Variants in BMPR2 observed in about 807,000 individuals in gnomAD.
BMPR2 encodes bone morphogenetic protein receptor type-2.
Under a neutral mutation model 100.8 loss-of-function variants are expected in BMPR2, and 29 were observed. That is an observed-to-expected ratio of 0.29 (90% CI 0.21 to 0.39). The LOEUF is 0.39. Ranked by LOEUF, BMPR2 falls within the 10% of genes least tolerant of loss-of-function variation. The probability of loss-of-function intolerance (pLI) is 1.00; values close to 1 mark genes in which losing one functional copy is unlikely to be tolerated. For synonymous variants in BMPR2, 382 were observed against 442.3 expected, an observed-to-expected ratio of 0.86 and a Z score of 1.71; for missense variants, 1,011 against 1,274.5, an observed-to-expected ratio of 0.79 and a Z score of 3.15.
chr2:202,396,416 G>C (rs1322848497), intron 1 of BMPR2, among the ~76,000 whole-genome samples: 1 of 152,202 alleles, frequency 6.6e-6, no homozygotes, highest in African/African-American at 2.4e-5. Flanking sequence ...TAAGGAGGTA[G>C]CAGTAAAAGC....
intron 1 of BMPR2, among the ~76,000 whole-genome samples, chr2:202,390,523 G>T (rs1308313827): frequency 6.6e-6 from 1 of 151,862 alleles, no homozygotes; most frequent in Non-Finnish European, 1.5e-5. Context: ...GTAGAGACAG[G>T]GTTTCACCAT....
chr2:202,509,058 T>C (rs1342343252), intron 3 of BMPR2, among the ~76,000 whole-genome samples: 3 of 152,202 alleles, frequency 2.0e-5, no homozygotes, highest in Non-Finnish European at 4.4e-5. Flanking sequence ...TTATTTTGCA[T>C]CTGTTTTTCT....
chr2:202,464,734 G>A lies in BMPR2; in HGVS notation c.77-75G>A, dbSNP rs561600960. ...AGTAGGGAAATTTATGAAGTCATTC[G>A]GATAAGACAAAGATTTTATATAATA... is the stretch of plus-strand genomic sequence containing the variant. On this transcript the variant is annotated intron_variant, in intron 1 of 12. Coordinates refer to ENST00000374580, the MANE Select transcript of BMPR2 (RefSeq NM_001204.7). The A allele has an allele frequency of 2.6e-5, 36 of 1,364,034 alleles. No homozygotes were observed. The East Asian group carries it at 3.1e-4, about 12-fold the overall frequency. 84.5% of individuals were successfully genotyped at this position (1,364,034 alleles called of 1,614,324 possible). A position where few individuals can be genotyped will look rare whatever the true frequency, so the allele number is the denominator to read the frequency against.
intron 3 of BMPR2, among the ~76,000 whole-genome samples, chr2:202,471,910 G>A (rs1692445813): frequency 6.9e-6 from 1 of 144,006 alleles, no homozygotes; most frequent in African/African-American, 2.6e-5. Flanking sequence ...TTCAAAAAAA[G>A]ATTGTGTGTG....
At chr2:202,402,553 A>G (rs1329425953) in intron 1 of BMPR2, among the ~76,000 whole-genome samples, 1 of 151,980 alleles carries the variant, frequency 6.6e-6, no homozygotes, top group East Asian at 1.9e-4. Context: ...GAAAGAATTA[A>G]TTTAAGCCTT....
At chr2:202,460,476 G>A (rs1446513282) in intron 1 of BMPR2, among the ~76,000 whole-genome samples, 1 of 152,040 alleles carries the variant, frequency 6.6e-6, no homozygotes, top group African/African-American at 2.4e-5. Context: ...CAGAGAAGAA[G>A]AACATACTGT....
chr2:202,400,308 ATTTTTTTTT>A (rs35517349), intron 1 of BMPR2, among the ~76,000 whole-genome samples: 38 of 130,572 alleles, frequency 2.9e-4, no homozygotes, highest in African/African-American at 6.2e-4. Context: ...TGCCAAGCTA[ATTTTTTTTT>A]TTTTTTTTTT....
Position 202,560,025 on chromosome 2 carries a change from A to C in BMPR2, c.*79A>C. 1.3e-6 allele frequency: 2 copies of C among 1,577,230 alleles called. No individual in the cohort carries two copies. Among genetic ancestry groups the C allele is most frequent in the Non-Finnish European group, 1.7e-6 (2 of 1,158,028 alleles). ...GAAGATGTTTAAAAATAAAAAAAAA[A>C]CTGCTTTATCCTCCTGTCAGCACCC... On this transcript the variant is annotated 3_prime_UTR_variant, in exon 13 of 13. Transcript: ENST00000374580.
At chr2:202,398,406 T>C (rs1443549710) in intron 1 of BMPR2, among the ~76,000 whole-genome samples, 1 of 152,236 alleles carries the variant, frequency 6.6e-6, no homozygotes, top group African/African-American at 2.4e-5. Context: ...AAAAAAGCTA[T>C]ATGTGAAGCA....
At chr2:202,481,390 G>A (rs1692657948) in intron 3 of BMPR2, among the ~76,000 whole-genome samples, 1 of 151,966 alleles carries the variant, frequency 6.6e-6, no homozygotes, top group Admixed American at 6.6e-5. Flanking sequence ...TGTTGGCCAT[G>A]GCTGGTCTCG....
intron 3 of BMPR2, among the ~76,000 whole-genome samples, chr2:202,491,123 T>C (rs1441942740): frequency 6.6e-6 from 1 of 152,052 alleles, no homozygotes; most frequent in South Asian, 2.1e-4. Flanking sequence ...GGTCTCGCCA[T>C]GTTGCCCAGG....
chr2:202,467,425 C>G, intron 2 of BMPR2, 94 bp from the exon 3 acceptor site: 1 of 1,101,760 alleles, frequency 9.1e-7, no homozygotes. Context: ...TACACGTACT[C>G]TCACATTTAT....
At chr2:202,399,422 G>C (rs961079886) in intron 1 of BMPR2, among the ~76,000 whole-genome samples, 1 of 151,952 alleles carries the variant, frequency 6.6e-6, no homozygotes, top group Admixed American at 6.6e-5. Context: ...GTTGTGGCTC[G>C]AATGTTGTGA....
chr2:202,438,660 A>G (rs1196527994), intron 1 of BMPR2, among the ~76,000 whole-genome samples: 4 of 150,578 alleles, frequency 2.7e-5, no homozygotes, highest in East Asian at 3.8e-4. Flanking sequence ...AGGGGATCCA[A>G]CTTTATTCTT....
intron 10 of BMPR2, among the ~76,000 whole-genome samples, chr2:202,544,563 C>A (rs980316718): frequency 6.6e-6 from 1 of 151,856 alleles, no homozygotes; most frequent in Middle Eastern, 3.2e-3. Context: ...CTTTTTGTTT[C>A]GTTATGTTTT....
intron 3 of BMPR2, 125 bp downstream of exon 3, chr2:202,467,814 T>C (rs1692357813): frequency 1.0e-6 from 1 of 990,300 alleles, no homozygotes; most frequent in Non-Finnish European, 1.6e-6. Context: ...ATGCCAGCAC[T>C]TTGGGAGGCC....
rs1335338163 is a variant in BMPR2 at position 202,532,491 on chromosome 2, CATGACT to C, written c.1129-92_1129-87del. 17 of 1,447,180 alleles carry C rather than the reference CATGACT, an allele frequency of 1.2e-5. No homozygotes were observed. Among genetic ancestry groups the C allele is most frequent in the Admixed American group, 1.1e-4 (6 of 55,498 alleles). The allele number at this position is 1,447,180 out of a possible 1,614,324, so 89.6% of individuals were successfully genotyped here. A position where few individuals can be genotyped will look rare whatever the true frequency, so the allele number is the denominator to read the frequency against. On this transcript the variant is annotated intron_variant, in intron 8 of 12. Coordinates refer to ENST00000374580, the MANE Select transcript of BMPR2 (RefSeq NM_001204.7). The surrounding 1 kb of genome is among the most constrained non-coding windows in gnomAD (Gnocchi z 4.1). ...CATGGTTAGGGTCAAATAACATTGA[CATGACT>C]AAGATTTATATATAACTTCTGGTCT...
Position 202,406,287 on chromosome 2 carries a change from G to A in BMPR2, c.76+28737G>A, listed in dbSNP as rs192806179. On this transcript the variant is annotated intron_variant, in intron 1 of 12. Transcript: ENST00000374580. ...CTTTCTGTGTTCCGAGTAAGTTGTA[G>A]CCCCTTGGGGCTGTGAGCAACCCCC... Among the ~76,000 whole-genome samples, 12 of 152,320 alleles carry A rather than the reference G, an allele frequency of 7.9e-5. No homozygotes were observed. In the East Asian group the frequency reaches 2.3e-3, roughly 29 times the overall value.
intron 1 of BMPR2, among the ~76,000 whole-genome samples, chr2:202,462,555 G>A (rs1189479590): frequency 2.0e-5 from 3 of 151,810 alleles, no homozygotes; most frequent in Non-Finnish European, 2.9e-5. Flanking sequence ...TGTACTCAGG[G>A]TGTTAATAGA....
Sources: allele counts gnomAD v4.1 joint callset (sites outside exome capture counted in the v4.1 genomes callset), GRCh38; gene constraint gnomAD v4.1.1; non-coding constraint Gnocchi (gnomAD v3.1); transcripts MANE v1.5; gene names NCBI Gene and HGNC (gene_info 2026-07-23, HGNC 2026-07-21).